Variants in TENM4 observed in about 807,000 individuals in gnomAD.
The protein encoded by TENM4 is teneurin-4.
Under a neutral mutation model 243.3 loss-of-function variants are expected in TENM4, and 82 were observed. That is an observed-to-expected ratio of 0.34 (90% CI 0.28 to 0.40). The LOEUF (loss-of-function observed/expected upper bound fraction) is 0.40. Among genes scored for constraint, TENM4 ranks in the 10% least tolerant of loss-of-function variants. The probability of loss-of-function intolerance (pLI) is 1.00; values close to 1 mark genes in which losing one functional copy is unlikely to be tolerated. For synonymous variants in TENM4, 1,412 were observed against 1,456.3 expected, an observed-to-expected ratio of 0.97 and a Z score of 0.69; for missense variants, 3,138 against 3,673.3, an observed-to-expected ratio of 0.85 and a Z score of 3.77.
chr11:78,837,326 G>A (rs1357805740), intron 12 of TENM4, among the ~76,000 whole-genome samples: 1 of 152,190 alleles, frequency 6.6e-6, no homozygotes, highest in Admixed American at 6.5e-5. Flanking sequence ...GGTAAGATGT[G>A]CTGTTTGCTG....
intron 6 of TENM4, among the ~76,000 whole-genome samples, chr11:78,929,337 C>G (rs902472548): frequency 6.6e-6 from 1 of 152,138 alleles, no homozygotes; most frequent in Non-Finnish European, 1.5e-5. Context: ...ACAGTGATTA[C>G]GCATTGCCAA....
At chr11:79,008,477 A>C (rs1858550533) in intron 6 of TENM4, among the ~76,000 whole-genome samples, 2 of 152,234 alleles carry the variant, frequency 1.3e-5, no homozygotes, top group Non-Finnish European at 2.9e-5. Flanking sequence ...TTTGTTATAT[A>C]TACACATATT....
chr11:78,704,072 T>C (rs1341188091), intron 27 of TENM4, among the ~76,000 whole-genome samples: 1 of 148,188 alleles, frequency 6.7e-6, no homozygotes, highest in African/African-American at 2.5e-5. Context: ...CACATATATA[T>C]ATAAATATAT....
In TENM4 at chr11:79,410,967, A is replaced by T. The variant is rs187009952; in HGVS notation, c.-321+29542T>A. 2.1e-3 allele frequency among the ~76,000 whole-genome samples: 317 copies of T among 152,206 alleles called. 4 individuals are homozygous for T. Among genetic ancestry groups the T allele is most frequent in the Admixed American group, 4.4e-3 (68 of 15,282 alleles). On this transcript the variant is annotated intron_variant, in intron 1 of 33. Transcript: ENST00000278550. Reference sequence around the variant, plus strand: ...CCTCTACACACACATACACACACACACACATACAAACACACACTCAAGTGG... The same window carrying T: ...CCTCTACACACACATACACACACACTCACATACAAACACACACTCAAGTGG...
intron 3 of TENM4, among the ~76,000 whole-genome samples, chr11:79,190,762 A>C (rs1312702325): frequency 6.8e-6 from 1 of 147,686 alleles, no homozygotes; most frequent in Non-Finnish European, 1.5e-5. Flanking sequence ...TTTAAAAAAT[A>C]TTTTCGTCCC....
intron 1 of TENM4, among the ~76,000 whole-genome samples, chr11:79,426,718 C>T (rs911532424): frequency 2.6e-5 from 4 of 152,106 alleles, no homozygotes; most frequent in African/African-American, 7.2e-5. Flanking sequence ...ACCAGAAGGA[C>T]GGAGTTACCA....
Position 78,708,409 on chromosome 11 carries a change from G to A in TENM4, c.4161C>T (p.Leu1387=). The A allele has an allele frequency of 6.2e-7, 1 of 1,614,050 alleles. No homozygotes were observed. Among genetic ancestry groups the A allele is most frequent in the Non-Finnish European group, 8.5e-7 (1 of 1,179,904 alleles). The part of the protein sequence containing the change: ...IISTLLGSND[L]TSARPLSCDS... ...CACAGCTGAGTGGCCGGGCTGATGT[G>A]AGATCATTAGAGCCGAGCAGGGTGG... is the stretch of plus-strand genomic sequence containing the variant. The change falls in exon 27 of 34, where the codon CTC becomes CTT. Residue 1387 remains leucine (L), a synonymous_variant. Coordinates refer to ENST00000278550, the MANE Select transcript of TENM4 (RefSeq NM_001098816.3).
intron 4 of TENM4, among the ~76,000 whole-genome samples, chr11:79,120,085 C>T (rs1395410010): frequency 6.6e-6 from 1 of 152,216 alleles, no homozygotes; most frequent in African/African-American, 2.4e-5. Flanking sequence ...CCACAGGCAT[C>T]TTCCCAGCAC....
chr11:79,258,779 A>G (rs1027645323), intron 2 of TENM4, among the ~76,000 whole-genome samples: 9 of 152,200 alleles, frequency 5.9e-5, no homozygotes, highest in African/African-American at 2.2e-4. Context: ...TCTCTTTTTA[A>G]GCAAGTGCTC....
chr11:78,732,793 G>C (rs1272662428), intron 20 of TENM4, among the ~76,000 whole-genome samples: 1 of 152,292 alleles, frequency 6.6e-6, no homozygotes, highest in South Asian at 2.1e-4. Context: ...GATTCACATA[G>C]AGAATTTGCT....
intron 15 of TENM4, among the ~76,000 whole-genome samples, chr11:78,792,957 A>G (rs1342519887): frequency 6.6e-6 from 1 of 152,194 alleles, no homozygotes; most frequent in African/African-American, 2.4e-5. Context: ...CACACGAGGA[A>G]GAGGCGAAAG....
chr11:79,226,667 A>G (rs1864272335), intron 2 of TENM4, among the ~76,000 whole-genome samples: 1 of 152,206 alleles, frequency 6.6e-6, no homozygotes, highest in South Asian at 2.1e-4. Context: ...CTGAAGGACT[A>G]GGGACAGCAA....
chr11:78,701,582 G>T lies in TENM4; in HGVS notation c.5031C>A (p.Gly1677=), dbSNP rs1404950260. 6.2e-7 allele frequency: 1 copy of T among 1,603,762 alleles called. No homozygotes were observed. Among genetic ancestry groups the T allele is most frequent in the Non-Finnish European group, 8.5e-7 (1 of 1,171,510 alleles). The change falls in exon 28 of 34, where the codon GGC becomes GGA. Residue 1677 remains glycine, a synonymous_variant. Coordinates refer to ENST00000278550, the MANE Select transcript of TENM4 (RefSeq NM_001098816.3). ...GHELAMMTYH[G]NSGLLATKSN... is the part of the protein sequence containing the mutation. ...TTTTGGTTGCCAGAAGGCCGGAATTGCCATGGTATGTCATCATGGCCAACT... is the reference window on the plus strand; with the variant it reads ...TTTTGGTTGCCAGAAGGCCGGAATTTCCATGGTATGTCATCATGGCCAACT...
At chr11:78,941,398 G>C (rs557460642) in intron 6 of TENM4, among the ~76,000 whole-genome samples, 1 of 152,216 alleles carries the variant, frequency 6.6e-6, no homozygotes, top group Admixed American at 6.5e-5. Context: ...GGGGCTGGTG[G>C]GTGGGCCTAT....
At chr11:79,326,482 C>A (rs775909028) in intron 1 of TENM4, among the ~76,000 whole-genome samples, 2 of 152,202 alleles carry the variant, frequency 1.3e-5, no homozygotes, top group African/African-American at 2.4e-5. Flanking sequence ...TAACCTCCCC[C>A]TCGCCTAAAG....
chr11:79,044,194 C>T (rs543461197), intron 6 of TENM4, among the ~76,000 whole-genome samples: 7 of 152,314 alleles, frequency 4.6e-5, no homozygotes, highest in South Asian at 2.1e-4. Flanking sequence ...TCTTTCAACA[C>T]GTTTCAGTTA....
At chr11:78,929,737 T>C (rs1856629678) in intron 6 of TENM4, among the ~76,000 whole-genome samples, 1 of 152,220 alleles carries the variant, frequency 6.6e-6, no homozygotes, top group Non-Finnish European at 1.5e-5. Context: ...GTAGATTTTC[T>C]CTTCAAGGAT....
At chr11:79,009,803 A>G (rs982270817) in intron 6 of TENM4, among the ~76,000 whole-genome samples, 4 of 152,076 alleles carry the variant, frequency 2.6e-5, no homozygotes, top group African/African-American at 7.2e-5. Context: ...GAACACTTCA[A>G]TTTCTTTATA....
intron 1 of TENM4, among the ~76,000 whole-genome samples, chr11:79,361,575 C>A (rs997176066): frequency 1.3e-5 from 2 of 152,136 alleles, no homozygotes; most frequent in African/African-American, 4.8e-5. Context: ...TTATCCACAC[C>A]TTTGTAAATA....
Sources: gnomAD v4.1 joint callset for allele counts (sites outside exome capture counted in the v4.1 genomes callset) on GRCh38, gnomAD v4.1.1 for gene constraint, MANE v1.5 for transcripts, NCBI Gene and HGNC (gene_info 2026-07-23, HGNC 2026-07-21) for gene names.